Variants in RNASE4 observed in about 807,000 individuals in gnomAD.
RNASE4 encodes the protein ribonuclease A family member 4, also known as ribonuclease 4.
For synonymous variants in RNASE4, 93 were observed against 71.4 expected (o/e 1.30, Z -1.52); for missense variants, 194 against 192.8 (o/e 1.01, Z -0.04).
At chr14:20,696,288 C>T (rs763973375) in intron 1 of RNASE4, among the ~76,000 whole-genome samples, 1 of 152,134 alleles carries the variant, frequency 6.6e-6, no homozygotes, top group Non-Finnish European at 1.5e-5. Flanking sequence ...CCTGACCTGC[C>T]GATGGTACTG....
rs552701315 is a variant in RNASE4, at chr14:20,687,790, C to G, written c.-18+3032C>G. 3.9e-5 allele frequency among the ~76,000 whole-genome samples: 6 copies of G among 152,338 alleles called. No individual in the cohort carries two copies. In the South Asian group the frequency reaches 1.2e-3, roughly 32 times the overall value. On this transcript the variant is annotated intron_variant, in intron 1 of 1. Coordinates refer to ENST00000555835, the MANE Select transcript of RNASE4 (RefSeq NM_002937.5). ...TGTGATTTCAAGTGCATTTGTTTTA[C>G]TAGCAGGCAGCCTGTCTTTTCTTGA...
In RNASE4 at chr14:20,693,998, G is replaced by A. The variant is rs763580010; in HGVS notation, c.-17-5357G>A. 2.1e-5 allele frequency: 34 copies of A among 1,613,900 alleles called. No homozygotes were observed. The highest frequency in any genetic ancestry group is 5.5e-5 in the South Asian group (5 of 91,068). On this transcript the variant is annotated intron_variant, in intron 1 of 1. Transcript: ENST00000555835. ...GTCCACTTGGATCAGTCAATTTTCC[G>A]TCGTCCGTAACCAGCGGGCCCCTGG...
At chr14:20,686,902 TGAA>T (rs1184149098) in intron 1 of RNASE4, among the ~76,000 whole-genome samples, 1 of 152,212 alleles carries the variant, frequency 6.6e-6, no homozygotes, top group Non-Finnish European at 1.5e-5. Context: ...ATACTCTGTA[TGAA>T]GGAGGAAAGT....
intron 1 of RNASE4, among the ~76,000 whole-genome samples, chr14:20,695,481 A>G (rs1887059301): frequency 6.6e-6 from 1 of 152,144 alleles, no homozygotes; most frequent in South Asian, 2.1e-4. Flanking sequence ...TTAAGTTAAC[A>G]TAACTTAGGT....
rs769785872 is a variant in RNASE4, at chr14:20,699,810, G to A, written c.439G>A (p.Gly147Ser). The change falls in exon 2 of 2, where the codon GGT (glycine) becomes AGT (serine). Residue 147 changes from glycine (G) to serine (S), a missense_variant. Gly to Ser is a moderately conservative substitution (Grantham distance 56). Transcript: ENST00000555835. ...CCCACAGGTGCCTGTGCACTTTGAC[G>A]GTTAGATGCCACCATGTAGGGATTA... ...GNPQVPVHFDG is the reference protein window; with the variant it reads ...GNPQVPVHFDS 97 of 1,612,126 alleles carry A rather than the reference G, an allele frequency of 6.0e-5. No homozygotes were observed. Among genetic ancestry groups the A allele is most frequent in the Non-Finnish European group, 7.7e-5 (91 of 1,179,620 alleles).
chr14:20,695,595 G>A (rs1420384010), intron 1 of RNASE4, among the ~76,000 whole-genome samples: 1 of 152,212 alleles, frequency 6.6e-6, no homozygotes, highest in Non-Finnish European at 1.5e-5. Flanking sequence ...TATTTAGAAA[G>A]TGGTTGCCAA....
rs1886908033 is a variant in RNASE4, at chr14:20,693,444, A to G, written c.-17-5911A>G. The G allele has an allele frequency of 4.8e-6, 7 of 1,472,724 alleles. No individual in the cohort carries two copies. The Admixed American group carries it at 1.2e-4, about 25-fold the overall frequency. The allele number at this position is 1,472,724 out of a possible 1,614,324, so 91.2% of individuals were successfully genotyped here. ...AATATAAAATTTGGTGGTGGAAAAG[A>G]TCTGATTCATGATGCCGTGTCAGAG... On this transcript the variant is annotated intron_variant, in intron 1 of 1. Transcript: ENST00000555835.
chr14:20,698,545 T>G (rs7160116), intron 1 of RNASE4, among the ~76,000 whole-genome samples: 2,012 of 152,352 alleles, frequency 0.013, 47 homozygotes, highest in African/African-American at 0.042. Flanking sequence ...TTTCACTTAT[T>G]AGTTCATTCA....
chr14:20,690,208 C>T (rs1207762872), intron 1 of RNASE4, among the ~76,000 whole-genome samples: 1 of 96,516 alleles, frequency 1.0e-5, no homozygotes, highest in Non-Finnish European at 1.8e-5. Flanking sequence ...GGCGACAGAG[C>T]GAGACTCCGT....
intron 1 of RNASE4, among the ~76,000 whole-genome samples, chr14:20,685,387 G>C (rs984218481): frequency 6.6e-6 from 1 of 152,130 alleles, no homozygotes; most frequent in African/African-American, 2.4e-5. Flanking sequence ...CCACTCAGGG[G>C]GCTAGGGAAA....
chr14:20,693,555 G>A (rs199509897), intron 1 of RNASE4: 2 of 1,611,760 alleles, frequency 1.2e-6, no homozygotes, highest in South Asian at 2.2e-5. Context: ...AGGAGCCTGT[G>A]TTGGAAGAGA....
Position 20,700,482 on chromosome 14 carries a change from C to A in RNASE4, c.*667C>A, listed in dbSNP as rs1164761765. 1 of 166,908 alleles carries A rather than the reference C, an allele frequency of 6.0e-6. No homozygotes were observed. Among genetic ancestry groups the A allele is most frequent in the Non-Finnish European group, 1.5e-5 (1 of 68,124 alleles). The allele number at this position is 166,908 out of a possible 1,614,324, so 10.3% of individuals were successfully genotyped here. A position where few individuals can be genotyped will look rare whatever the true frequency, so the allele number is the denominator to read the frequency against. On this transcript the variant is annotated 3_prime_UTR_variant, in exon 2 of 2. Transcript: ENST00000555835. ...TTCTTTTTCCTGAAACTTTGAATCA[C>A]CCTAGTAAGTCAAAGTACTAAAAAA...
At chr14:20,685,552 G>A (rs1886383581) in intron 1 of RNASE4, among the ~76,000 whole-genome samples, 1 of 152,182 alleles carries the variant, frequency 6.6e-6, no homozygotes, top group South Asian at 2.1e-4. Flanking sequence ...TAACCACAGA[G>A]CCACTAACAA....
In RNASE4 at chr14:20,699,392, T is replaced by A. The variant is rs1887201790; in HGVS notation, c.21T>A (p.His7Gln). The part of the protein sequence containing the change: MALQRT[H>Q]SLLLLLLLTL... ...TACTGATGGCTCTGCAGAGGACCCA[T>A]TCATTGCTTCTGCTTTTGCTGCTGA... Residue 7 changes from histidine to glutamine, a missense_variant, in exon 2 of 2, where the codon CAT (histidine) becomes CAA (glutamine). Physicochemically the swap from His to Gln is conservative, Grantham distance 24. Coordinates refer to ENST00000555835, the MANE Select transcript of RNASE4 (RefSeq NM_002937.5). 1.9e-6 allele frequency: 3 copies of A among 1,604,700 alleles called. No individual in the cohort carries two copies. The highest frequency in any genetic ancestry group is 2.6e-6 in the Non-Finnish European group (3 of 1,174,150).
At chr14:20,695,623 G>A (rs572748081) in intron 1 of RNASE4, among the ~76,000 whole-genome samples, 65 of 152,258 alleles carry the variant, frequency 4.3e-4, no homozygotes, top group African/African-American at 1.5e-3. Context: ...GTTATAAGTC[G>A]CCAGTTTCAC....
intron 1 of RNASE4, among the ~76,000 whole-genome samples, chr14:20,698,381 G>A (rs1484133414): frequency 1.3e-5 from 2 of 152,174 alleles, no homozygotes; most frequent in Non-Finnish European, 2.9e-5. Context: ...ACAGCAAGGA[G>A]AAGAAGACAC....
intron 1 of RNASE4, chr14:20,693,447 T>C: frequency 6.7e-7 from 1 of 1,488,118 alleles, no homozygotes. Flanking sequence ...GGAAAAGATC[T>C]GATTCATGAT....
At chr14:20,694,297 G>GTTTT (rs34921147) in intron 1 of RNASE4, 728 of 212,894 alleles carry the variant, frequency 3.4e-3, no homozygotes, top group Middle Eastern at 8.5e-3. Flanking sequence ...TTTTCTTTTC[G>GTTTT]TTTTTTTTTT....
rs148417923 is a variant in RNASE4 at position 20,685,972 on chromosome 14, G to A, written c.-18+1214G>A. Among the ~76,000 whole-genome samples, 729 of 151,922 alleles carry A rather than the reference G, an allele frequency of 4.8e-3. 5 individuals are homozygous for A. Among genetic ancestry groups the A allele is most frequent in the African/African-American group, 0.016 (672 of 41,372 alleles). ...GGAGACTCTCTTGAACCTGGGAGGCGGAGGTTACAGTGAACAGAGATTGCG... is the reference window on the plus strand; with the variant it reads ...GGAGACTCTCTTGAACCTGGGAGGCAGAGGTTACAGTGAACAGAGATTGCG... On this transcript the variant is annotated intron_variant, in intron 1 of 1. Coordinates refer to ENST00000555835, the MANE Select transcript of RNASE4 (RefSeq NM_002937.5).
Sources: allele counts gnomAD v4.1 joint callset (sites outside exome capture counted in the v4.1 genomes callset), GRCh38; gene constraint gnomAD v4.1.1; transcripts MANE v1.5; gene names NCBI Gene and HGNC (gene_info 2026-07-23, HGNC 2026-07-21).